The following DTNB variants were observed in gnomAD, a reference collection of about 807,000 sequenced individuals.
The protein encoded by DTNB is dystrobrevin beta, also known as DTN-B.
A neutral mutation model predicts 90.7 loss-of-function variants in DTNB; 63 were observed. The observed-to-expected ratio is 0.69, with a 90% confidence interval of 0.57 to 0.86. The LOEUF (loss-of-function observed/expected upper bound fraction) is 0.86, where lower values mean the gene tolerates loss of function less well. Ranked by LOEUF, DTNB falls within the 40% of genes least tolerant of loss-of-function variation. The pLI, the probability that DTNB is intolerant of heterozygous loss-of-function variation, is 0.00. For missense variants in DTNB, 744 were observed against 807.1 expected (o/e 0.92, Z 0.95); for synonymous variants, 277 against 286.7 (o/e 0.97, Z 0.34).
chr2:25,418,157 G>C (rs1033221719), intron 16 of DTNB, among the ~76,000 whole-genome samples: 3 of 152,138 alleles, frequency 2.0e-5, no homozygotes, highest in African/African-American at 7.2e-5. Context: ...ACCAAAACAA[G>C]TGCACTTTGG....
At chr2:25,540,851 G>T (rs62130087) in intron 8 of DTNB, among the ~76,000 whole-genome samples, 2 of 151,948 alleles carry the variant, frequency 1.3e-5, no homozygotes, top group African/African-American at 4.8e-5. Flanking sequence ...CAGCATGCTC[G>T]TTAAGAGTCA....
chr2:25,668,753 T>C (rs914702299), intron 1 of DTNB, among the ~76,000 whole-genome samples: 7 of 152,238 alleles, frequency 4.6e-5, no homozygotes, highest in African/African-American at 1.7e-4. Context: ...TTTTAAAAAC[T>C]GTATTACTGA....
intron 12 of DTNB, among the ~76,000 whole-genome samples, chr2:25,439,345 C>CA (rs915642211): frequency 3.3e-5 from 5 of 151,590 alleles, no homozygotes; most frequent in Non-Finnish European, 7.4e-5. Context: ...ACAAAAAATA[C>CA]AAAAAAAATT....
chr2:25,499,414 G>A (rs1317570442), intron 9 of DTNB, among the ~76,000 whole-genome samples: 1 of 152,098 alleles, frequency 6.6e-6, no homozygotes, highest in African/African-American at 2.4e-5. Context: ...CTGTGCTCTG[G>A]GGATCTGAGG....
chr2:25,417,926 C>G (rs1351245563), intron 16 of DTNB, among the ~76,000 whole-genome samples: 1 of 152,152 alleles, frequency 6.6e-6, no homozygotes, highest in Admixed American at 6.5e-5. Context: ...GACTTCCCAG[C>G]CCCCTTGAGG....
chr2:25,517,291 G>C (rs2075302767), intron 9 of DTNB, among the ~76,000 whole-genome samples: 1 of 152,152 alleles, frequency 6.6e-6, no homozygotes, highest in Non-Finnish European at 1.5e-5. Context: ...AGTGGGAGCT[G>C]GGATTGACTA....
intron 8 of DTNB, among the ~76,000 whole-genome samples, chr2:25,533,940 T>TTTTATTTATTTA (rs374077335): frequency 1.2e-3 from 188 of 151,268 alleles, no homozygotes; most frequent in African/African-American, 4.3e-3. Flanking sequence ...TTATTTTTAT[T>TTTTATTTATTTA]TTTATTTATT....
chr2:25,480,558 C>A (rs1274549228), intron 10 of DTNB, among the ~76,000 whole-genome samples: 1 of 152,154 alleles, frequency 6.6e-6, no homozygotes, highest in African/African-American at 2.4e-5. Context: ...CTGCTCCCTT[C>A]TTTTAGTTTT....
chr2:25,444,856 A>C (rs2150075992), intron 12 of DTNB, among the ~76,000 whole-genome samples: 1 of 152,340 alleles, frequency 6.6e-6, no homozygotes, highest in South Asian at 2.1e-4. Context: ...AGATTAGAGG[A>C]TTAGGAGTTT....
chr2:25,454,574 C>T (rs144248584), intron 11 of DTNB, among the ~76,000 whole-genome samples: 8 of 152,172 alleles, frequency 5.3e-5, no homozygotes, highest in Non-Finnish European at 7.3e-5. Context: ...TACCTGTCAT[C>T]CTACTTGAAG....
At chr2:25,649,872 G>A (rs2080475180) in intron 2 of DTNB, 1 of 263,220 alleles carries the variant, frequency 3.8e-6, no homozygotes, top group South Asian at 1.4e-4. Context: ...GGAAAAAGGT[G>A]ATTCTGGCAT....
chr2:25,607,956 G>C (rs1423174503), intron 4 of DTNB, among the ~76,000 whole-genome samples: 2 of 152,132 alleles, frequency 1.3e-5, no homozygotes, highest in Non-Finnish European at 2.9e-5. Flanking sequence ...AAATGTAGAA[G>C]AACATAAATG....
intron 15 of DTNB, among the ~76,000 whole-genome samples, chr2:25,422,141 T>C (rs2049922126): frequency 6.6e-6 from 1 of 152,176 alleles, no homozygotes; most frequent in Admixed American, 6.5e-5. Context: ...TGACAAGGGA[T>C]AGAGCCAACG....
At chr2:25,431,824 G>C (rs193085640) in intron 14 of DTNB, among the ~76,000 whole-genome samples, 2 of 152,268 alleles carry the variant, frequency 1.3e-5, no homozygotes, top group Admixed American at 6.5e-5. Context: ...GACACCAGCT[G>C]TACTAACACC....
At chr2:25,434,728 G>A (rs1388355005) in intron 12 of DTNB, among the ~76,000 whole-genome samples, 2 of 152,038 alleles carry the variant, frequency 1.3e-5, no homozygotes, top group Non-Finnish European at 2.9e-5. Context: ...TAGACACCTA[G>A]GAGTAAAATT....
chr2:25,399,298 C>G (rs890313060), intron 16 of DTNB: 3 of 149,362 alleles, frequency 2.0e-5, no homozygotes, highest in African/African-American at 7.5e-5. Context: ...CCACCTGCCT[C>G]GCTTGGCTTC....
Position 25,577,040 on chromosome 2 carries a change from C to G in DTNB, c.710-36G>C, listed in dbSNP as rs144923013. On this transcript the variant is annotated intron_variant, in intron 7 of 20. Coordinates refer to ENST00000406818, the MANE Select transcript of DTNB (RefSeq NM_021907.5). ...GGAGAGAAAAGGGGAGAAAAAAGGG[C>G]AGGAGGGAAGGGATAGAATAAAAGA... is the stretch of plus-strand genomic sequence containing the variant. The G allele has an allele frequency of 7.7e-6, 12 of 1,553,540 alleles. No individual in the cohort carries two copies. The African/African-American group carries it at 1.4e-4, about 18-fold the overall frequency.
At chr2:25,592,405 C>T (rs2063743476) in intron 6 of DTNB, among the ~76,000 whole-genome samples, 1 of 152,104 alleles carries the variant, frequency 6.6e-6, no homozygotes, top group African/African-American at 2.4e-5. Flanking sequence ...GTAAAGAGTA[C>T]TGGATACTCC....
intron 4 of DTNB, among the ~76,000 whole-genome samples, chr2:25,625,000 G>A (rs1309565922): frequency 6.6e-6 from 1 of 152,076 alleles, no homozygotes; most frequent in African/African-American, 2.4e-5. Flanking sequence ...AAAAAATTAG[G>A]TCTTAAGAAA....
Sources: allele counts gnomAD v4.1 joint callset (sites outside exome capture counted in the v4.1 genomes callset), GRCh38; gene constraint gnomAD v4.1.1; transcripts MANE v1.5; gene names NCBI Gene and HGNC (gene_info 2026-07-23, HGNC 2026-07-21).